TTL: variants seen among roughly 807,000 people sequenced by gnomAD.
The protein encoded by TTL is tubulin--tyrosine ligase.
Under a neutral mutation model 41.1 loss-of-function variants are expected in TTL, and 10 were observed. That is an observed-to-expected ratio of 0.24 (90% CI 0.15 to 0.41). The LOEUF is 0.41. Ranked by LOEUF, TTL falls within the 10% of genes least tolerant of loss-of-function variation. The pLI, the probability that TTL is intolerant of heterozygous loss-of-function variation, is 1.00. For synonymous variants in TTL, 175 were observed against 175.5 expected (o/e 1.00, Z 0.02); for missense variants, 367 against 460.4 (o/e 0.80, Z 1.86).
rs374720002 is a variant in TTL, at chr2:112,520,348, C to T, written c.942C>T (p.Leu314=). ...TKHLPYQSFQ[L]FGFDFMVDEE... is the part of the protein sequence containing the mutation. ...ACCTCCCTTACCAGAGCTTCCAGCT[C>T]TTCGGCTTTGACTTCATGGTCGATG... The change falls in exon 6 of 7, where the codon CTC becomes CTT. Residue 314 remains leucine (L), a synonymous_variant. Transcript: ENST00000233336. 1.2e-6 allele frequency: 2 copies of T among 1,614,134 alleles called. No individual in the cohort carries two copies. Among genetic ancestry groups the T allele is most frequent in the African/African-American group, 2.7e-5 (2 of 75,050 alleles).
chr2:112,539,705 T>G lies in TTL; in HGVS notation c.*10910T>G, dbSNP rs1315125524. The G allele has an allele frequency of 6.6e-6, 1 of 152,200 alleles. No homozygotes were observed. Among genetic ancestry groups the G allele is most frequent in the Non-Finnish European group, 1.5e-5 (1 of 68,028 alleles). The allele number at this position is 152,200 out of a possible 1,614,324, so 9.4% of individuals were successfully genotyped here. On this transcript the variant is annotated 3_prime_UTR_variant, in exon 7 of 7. Transcript: ENST00000233336. Reference sequence around the variant, plus strand: ...TTCGACAAAAGGAAGGAAAGAAGACTGCGCATTCAGATTGGAAAGGGAGAA... The same window carrying G: ...TTCGACAAAAGGAAGGAAAGAAGACGGCGCATTCAGATTGGAAAGGGAGAA...
At chr2:112,485,261 T>C (rs1681211046) in intron 1 of TTL, among the ~76,000 whole-genome samples, 1 of 152,260 alleles carries the variant, frequency 6.6e-6, no homozygotes, top group African/African-American at 2.4e-5. Flanking sequence ...AAAACACTTT[T>C]TATTTTTAAT....
At position 112,532,852 on chromosome 2, in the gene TTL, T is replaced by C. The variant is rs1037998708; in HGVS notation, c.*4057T>C. 1 of 152,468 alleles carries C rather than the reference T, an allele frequency of 6.6e-6. No individual in the cohort carries two copies. Among genetic ancestry groups the C allele is most frequent in the African/African-American group, 2.4e-5 (1 of 41,422 alleles). The allele number at this position is 152,468 out of a possible 1,614,324, so 9.4% of individuals were successfully genotyped here. On this transcript the variant is annotated 3_prime_UTR_variant, in exon 7 of 7. Transcript: ENST00000233336. The stretch of plus-strand genomic sequence containing the variant: ...GTTACCCAATACATAAGCCAACAGA[T>C]TGTCCTTCAAAACTGATGAGCTTCT...
intron 6 of TTL, among the ~76,000 whole-genome samples, chr2:112,522,921 C>T (rs1682279801): frequency 6.6e-6 from 1 of 152,238 alleles, no homozygotes; most frequent in Admixed American, 6.5e-5. Flanking sequence ...GGGTGCACTT[C>T]TGCTCTTGCC....
rs959478065 is a variant in TTL, at chr2:112,533,867, A to G, written c.*5072A>G. ...GCAAAGGAAAATGAACCCCTCTCCA[A>G]TGCAATACATAGTAGCAGAACTTGA... On this transcript the variant is annotated 3_prime_UTR_variant, in exon 7 of 7. Coordinates refer to ENST00000233336, the MANE Select transcript of TTL (RefSeq NM_153712.5). 8 of 152,220 alleles carry G rather than the reference A, an allele frequency of 5.3e-5. No individual in the cohort carries two copies. Among genetic ancestry groups the G allele is most frequent in the African/African-American group, 1.7e-4 (7 of 41,454 alleles). The allele number at this position is 152,220 out of a possible 1,614,324, so 9.4% of individuals were successfully genotyped here.
At chr2:112,489,687 A>G (rs1390356067) in intron 2 of TTL, among the ~76,000 whole-genome samples, 1 of 152,214 alleles carries the variant, frequency 6.6e-6, no homozygotes, top group Admixed American at 6.5e-5. Flanking sequence ...ATCATGTTGT[A>G]AAAATATGTG....
At chr2:112,520,960 G>A (rs1052970532) in intron 6 of TTL, among the ~76,000 whole-genome samples, 1 of 152,062 alleles carries the variant, frequency 6.6e-6, no homozygotes, top group South Asian at 2.1e-4. Context: ...AGGTGGGTGG[G>A]AGATGCCATG....
chr2:112,520,563 A>T (rs1222254793), intron 6 of TTL, 138 bp downstream of exon 6: 2 of 1,212,848 alleles, frequency 1.6e-6, no homozygotes, highest in African/African-American at 3.0e-5. Context: ...GGAGGACTCT[A>T]TCTGGCAGGG....
At chr2:112,521,469 T>C in intron 6 of TTL, 2 of 604,068 alleles carry the variant, frequency 3.3e-6, no homozygotes, top group Non-Finnish European at 4.2e-6. Context: ...GGTTCCCATC[T>C]ACATCTTGAA....
In TTL at chr2:112,503,170, A is replaced by G; in HGVS notation, c.864A>G (p.Lys288=). Residue 288 remains lysine, a synonymous_variant, in exon 5 of 7, where the codon AAA becomes AAG. Coordinates refer to ENST00000233336, the MANE Select transcript of TTL (RefSeq NM_153712.5). ...TLESSILLQI[K]HIIRNCLLSV... ...AAAGTAGTATCTTACTACAAATCAA[A>G]CATATAATAAGGTAACTTAATTGTA... 6.3e-7 allele frequency: 1 copy of G among 1,593,236 alleles called. No homozygotes were observed. Among genetic ancestry groups the G allele is most frequent in the Non-Finnish European group, 8.6e-7 (1 of 1,168,444 alleles).
At chr2:112,524,128 CCTTT>C (rs1216881590) in intron 6 of TTL, among the ~76,000 whole-genome samples, 6 of 152,146 alleles carry the variant, frequency 3.9e-5, no homozygotes, top group African/African-American at 1.4e-4. Flanking sequence ...ATGAACTCGT[CCTTT>C]CTTATGGCTG....
Position 112,502,978 on chromosome 2 carries a change from T to C in TTL, c.672T>C (p.Ala224=), listed in dbSNP as rs151180080. The change falls in exon 5 of 7, where the codon GCT becomes GCC. Residue 224 remains alanine, a synonymous_variant. Transcript: ENST00000233336. ...ATAGAGAGGGTGTGCTTCGGACTGCTTCAGAACCATATCATGTTGATAATT... is the reference window on the plus strand; with the variant it reads ...ATAGAGAGGGTGTGCTTCGGACTGCCTCAGAACCATATCATGTTGATAATT... ...YLYREGVLRT[A]SEPYHVDNFQ... is the part of the protein sequence containing the mutation. The C allele has an allele frequency of 6.2e-7, 1 of 1,614,102 alleles. No homozygotes were observed.
chr2:112,517,156 CAAAAAAA>C (rs33990458), intron 5 of TTL, among the ~76,000 whole-genome samples: 23,554 of 105,760 alleles, frequency 0.22, 2,073 homozygotes, highest in East Asian at 0.34. Flanking sequence ...GAGCTTTCAG[CAAAAAAA>C]AAAAAAAAAA....
intron 6 of TTL, among the ~76,000 whole-genome samples, chr2:112,523,524 A>G (rs1020571342): frequency 2.0e-5 from 3 of 149,208 alleles, no homozygotes; most frequent in African/African-American, 7.7e-5. Flanking sequence ...GTCACTGGGG[A>G]GTCTTCCCGT....
At chr2:112,516,583 A>G (rs1045828816) in intron 5 of TTL, among the ~76,000 whole-genome samples, 4 of 152,210 alleles carry the variant, frequency 2.6e-5, no homozygotes, top group African/African-American at 9.6e-5. Context: ...CTGAGGCAGG[A>G]GAATTGCTTG....
Position 112,529,434 on chromosome 2 carries a change from ACAAAGTGG to A in TTL, c.*643_*650del. The A allele has an allele frequency of 4.4e-6, 1 of 227,856 alleles. No individual in the cohort carries two copies. Among genetic ancestry groups the A allele is most frequent in the Non-Finnish European group, 8.7e-6 (1 of 114,458 alleles). The allele number at this position is 227,856 out of a possible 1,614,324, so 14.1% of individuals were successfully genotyped here. Reference sequence around the variant, plus strand: ...AGTCTGCTCTCTGCATGTTTTAGAAACAAAGTGGCAAGTCTGCCCTGAACCTGTAAGCA... The same window carrying A: ...AGTCTGCTCTCTGCATGTTTTAGAAACAAGTCTGCCCTGAACCTGTAAGCA... On this transcript the variant is annotated 3_prime_UTR_variant, in exon 7 of 7. Transcript: ENST00000233336.
Position 112,531,753 on chromosome 2 carries a change from A to T in TTL, c.*2958A>T, listed in dbSNP as rs1359282618. On this transcript the variant is annotated 3_prime_UTR_variant, in exon 7 of 7. Coordinates refer to ENST00000233336, the MANE Select transcript of TTL (RefSeq NM_153712.5). ...AGGATGACCGGATGTTGCCGTATGT[A>T]TTTATGGCACAAGCAGGTGTTGTCT... 1 of 223,528 alleles carries T rather than the reference A, an allele frequency of 4.5e-6. No individual in the cohort carries two copies. The highest frequency in any genetic ancestry group is 2.2e-5 in the African/African-American group (1 of 44,836). 13.8% of individuals were successfully genotyped at this position (223,528 alleles called of 1,614,324 possible).
At chr2:112,516,863 G>T (rs1351748681) in intron 5 of TTL, among the ~76,000 whole-genome samples, 1 of 152,162 alleles carries the variant, frequency 6.6e-6, no homozygotes, top group Non-Finnish European at 1.5e-5. Flanking sequence ...TTTCTTCAGG[G>T]AATATAGGTG....
At chr2:112,484,810 A>G (rs1681195785) in intron 1 of TTL, among the ~76,000 whole-genome samples, 1 of 152,024 alleles carries the variant, frequency 6.6e-6, no homozygotes, top group East Asian at 1.9e-4. Context: ...CCTGCCTGAA[A>G]CTTTTGATTT....
Sources: allele counts gnomAD v4.1 joint callset (sites outside exome capture counted in the v4.1 genomes callset), GRCh38; gene constraint gnomAD v4.1.1; transcripts MANE v1.5; gene names NCBI Gene and HGNC (gene_info 2026-07-23, HGNC 2026-07-21).